CPNE4: variants seen among roughly 807,000 people sequenced by gnomAD.
CPNE4 encodes copine-4.
In CPNE4, 25 loss-of-function variants were observed where a neutral mutation model predicts 67.9. The ratio of observed to expected loss-of-function variants is 0.37; its 90% CI spans 0.27 to 0.51. The LOEUF (loss-of-function observed/expected upper bound fraction) is 0.51. Among genes scored for constraint, CPNE4 ranks in the 20% least tolerant of loss-of-function variants. The pLI, the probability that CPNE4 is intolerant of heterozygous loss-of-function variation, is 0.93. For synonymous variants in CPNE4, 242 were observed against 244.9 expected (o/e 0.99, Z 0.11); for missense variants, 464 against 690.8 (o/e 0.67, Z 3.68).
chr3:131,616,888 A>G (rs888829195), intron 7 of CPNE4, among the ~76,000 whole-genome samples: 7 of 152,202 alleles, frequency 4.6e-5, no homozygotes, highest in Admixed American at 4.6e-4. Context: ...ATAAATAACT[A>G]TGAGCTCTGG....
intron 2 of CPNE4, among the ~76,000 whole-genome samples, chr3:131,895,781 C>T (rs2088303494): frequency 6.6e-6 from 1 of 152,002 alleles, no homozygotes; most frequent in Non-Finnish European, 1.5e-5. Flanking sequence ...AGTAATTAGG[C>T]TACCTCAGGA....
At chr3:131,800,525 C>T (rs111359853) in intron 2 of CPNE4, among the ~76,000 whole-genome samples, 1,605 of 152,188 alleles carry the variant, frequency 0.011, 25 homozygotes, top group African/African-American at 0.037. Flanking sequence ...AAATATTTAA[C>T]GGGTGAGAAA....
At chr3:131,938,883 T>C (rs1279312362) in intron 1 of CPNE4, among the ~76,000 whole-genome samples, 2 of 152,132 alleles carry the variant, frequency 1.3e-5, no homozygotes, top group Non-Finnish European at 2.9e-5. Flanking sequence ...AATAAGACAT[T>C]GATGCTTACC....
chr3:131,889,023 C>T (rs1387761627), intron 2 of CPNE4, among the ~76,000 whole-genome samples: 1 of 152,118 alleles, frequency 6.6e-6, no homozygotes, highest in Admixed American at 6.6e-5. Context: ...ACTAAGTGAT[C>T]CACTACTCAC....
At chr3:131,636,403 C>T (rs1582933382) in intron 7 of CPNE4, among the ~76,000 whole-genome samples, 1 of 152,230 alleles carries the variant, frequency 6.6e-6, no homozygotes, top group East Asian at 1.9e-4. Context: ...CTGTTTGACT[C>T]AGCAGAGGCA....
chr3:131,776,705 A>C (rs1191314046), intron 2 of CPNE4, among the ~76,000 whole-genome samples: 1 of 152,168 alleles, frequency 6.6e-6, no homozygotes, highest in East Asian at 1.9e-4. Flanking sequence ...ATTTTCCCCC[A>C]AACCATCAAA....
At chr3:131,676,581 T>G (rs2080574856) in intron 6 of CPNE4, among the ~76,000 whole-genome samples, 1 of 152,118 alleles carries the variant, frequency 6.6e-6, no homozygotes, top group Non-Finnish European at 1.5e-5. Context: ...TCCCTCTATA[T>G]GTCCGTGTGT....
chr3:131,568,342 G>A (rs762390464), intron 10 of CPNE4, among the ~76,000 whole-genome samples: 25 of 152,082 alleles, frequency 1.6e-4, no homozygotes, highest in Admixed American at 6.6e-4. Flanking sequence ...CAGAGTGAAA[G>A]GTTAGGTTTA....
At chr3:131,605,341 G>C (rs925541138) in intron 7 of CPNE4, among the ~76,000 whole-genome samples, 10 of 151,988 alleles carry the variant, frequency 6.6e-5, no homozygotes, top group African/African-American at 2.2e-4. Flanking sequence ...TGTGGTCCAG[G>C]TAGTGAGCAT....
In CPNE4 at chr3:131,626,961, G is replaced by C. The variant is rs184717231; in HGVS notation, c.682-39379C>G. On this transcript the variant is annotated intron_variant, in intron 7 of 15. Coordinates refer to ENST00000429747, the MANE Select transcript of CPNE4 (RefSeq NM_130808.3). The stretch of plus-strand genomic sequence containing the variant: ...TGTAATGCCAGCACTTTGGGAGACT[G>C]AGGTGGGTGGATCACGAGGTCAGGA... Among the ~76,000 whole-genome samples the C allele has an allele frequency of 2.4e-3, 367 of 152,232 alleles. 2 individuals carry two copies. The highest frequency in any genetic ancestry group is 7.7e-3 in the African/African-American group (319 of 41,546).
chr3:131,724,634 A>T (rs944630625), intron 2 of CPNE4, among the ~76,000 whole-genome samples: 3 of 152,194 alleles, frequency 2.0e-5, no homozygotes, highest in Non-Finnish European at 4.4e-5. Context: ...TTCTGCTAGC[A>T]GACTTCCTTC....
intron 1 of CPNE4, among the ~76,000 whole-genome samples, chr3:131,943,139 T>C (rs761289260): frequency 6.1e-4 from 93 of 152,302 alleles, no homozygotes; most frequent in Middle Eastern, 3.4e-3. Context: ...TATCACCTCT[T>C]GCATATTCGG....
rs537491945 is a variant in CPNE4 at position 131,766,737 on chromosome 3, A to T, written c.181-43112T>A. ...GTACAAAATGCTCGTTATATTAGAAAAAAAACAGATAAAAATCATATATGT... is the reference window on the plus strand; with the variant it reads ...GTACAAAATGCTCGTTATATTAGAATAAAAACAGATAAAAATCATATATGT... On this transcript the variant is annotated intron_variant, in intron 2 of 15. Transcript: ENST00000429747. 6.6e-5 allele frequency among the ~76,000 whole-genome samples: 10 copies of T among 152,332 alleles called. No homozygotes were observed. In the East Asian group the frequency reaches 1.9e-3, roughly 29 times the overall value.
intron 1 of CPNE4, among the ~76,000 whole-genome samples, chr3:131,980,067 G>A (rs1013654992): frequency 6.6e-6 from 1 of 152,162 alleles, no homozygotes; most frequent in Non-Finnish European, 1.5e-5. Flanking sequence ...GAAATTTGCT[G>A]TTAATCTGAA....
chr3:131,973,746 A>T (rs975304439), intron 1 of CPNE4, among the ~76,000 whole-genome samples: 1 of 152,234 alleles, frequency 6.6e-6, no homozygotes, highest in African/African-American at 2.4e-5. Context: ...CAGTTATAGC[A>T]GTGGAAGAAT....
intron 1 of CPNE4, among the ~76,000 whole-genome samples, chr3:131,923,456 G>A (rs2070797856): frequency 6.6e-6 from 1 of 152,060 alleles, no homozygotes; most frequent in African/African-American, 2.4e-5. Context: ...TGTATTTCCA[G>A]CACTTTGGGA....
intron 10 of CPNE4, among the ~76,000 whole-genome samples, chr3:131,565,922 C>T (rs1937032871): frequency 6.6e-6 from 1 of 151,702 alleles, no homozygotes; most frequent in Non-Finnish European, 1.5e-5. Context: ...GAAATAATCT[C>T]TGTGTCAGGC....
Position 131,696,558 on chromosome 3 carries a change from C to A in CPNE4, c.491G>T (p.Arg164Leu). 3.1e-6 allele frequency: 5 copies of A among 1,613,938 alleles called. No individual in the cohort carries two copies. The highest frequency in any genetic ancestry group is 4.2e-6 in the Non-Finnish European group (5 of 1,179,870). Residue 164 changes from arginine (R) to leucine (L), a missense_variant, in exon 5 of 16, where the codon CGG becomes CTG. Around this residue, in one of 6 missense-constraint regions of CPNE4, gnomAD observed 170 missense variants for 203.3 expected, o/e 0.84. Transcript: ENST00000429747. ...ACGCTTTACCTTGTCATCCAATTTC[C>A]GTGCATTGAATGCAAGCTCAACATA... Reference protein sequence around the residue: ...DDYVELAFNARKLDDKDFFSK... With the variant: ...DDYVELAFNALKLDDKDFFSK...
chr3:131,952,606 CCGG>C, intron 1 of CPNE4, among the ~76,000 whole-genome samples: 1 of 58,594 alleles, frequency 1.7e-5, no homozygotes, highest in Non-Finnish European at 3.5e-5. Flanking sequence ...GCCGCCCCGT[CCGG>C]AGGGAGGTGG....
Sources: gnomAD v4.1 joint callset for allele counts (sites outside exome capture counted in the v4.1 genomes callset) on GRCh38, gnomAD v4.1.1 for gene constraint, gnomAD v4.1.1 regional missense constraint, MANE v1.5 for transcripts, NCBI Gene and HGNC (gene_info 2026-07-23, HGNC 2026-07-21) for gene names.